Variants in CDH13 observed in about 807,000 individuals in gnomAD.
The protein encoded by CDH13 is cadherin-13.
Under a neutral mutation model 63.8 loss-of-function variants are expected in CDH13, and 24 were observed. That is an observed-to-expected ratio of 0.38 (90% CI 0.27 to 0.53). The LOEUF is 0.53. CDH13 is among the 20% of genes least tolerant of loss of function. CDH13 has a pLI of 0.85. For synonymous variants in CDH13, 503 were observed against 355.3 expected (o/e 1.42, Z -4.67); for missense variants, 1,049 against 903.1 (o/e 1.16, Z -2.07).
At chr16:83,149,803 T>C (rs1328897182) in intron 4 of CDH13, among the ~76,000 whole-genome samples, 1 of 152,210 alleles carries the variant, frequency 6.6e-6, no homozygotes. Flanking sequence ...CCAAACTCTG[T>C]ATTCAGCGAT....
intron 1 of CDH13, among the ~76,000 whole-genome samples, chr16:82,758,435 C>CAA (rs2034704578): frequency 6.7e-6 from 1 of 150,142 alleles, no homozygotes; most frequent in Admixed American, 6.7e-5. Flanking sequence ...TACCCCCCCC[C>CAA]CTTTGCTTTG....
At chr16:82,747,407 T>A (rs2034225220) in intron 1 of CDH13, among the ~76,000 whole-genome samples, 3 of 152,170 alleles carry the variant, frequency 2.0e-5, no homozygotes, top group East Asian at 1.9e-4. Context: ...CTCATATAGT[T>A]TTTAGGTATA....
At chr16:82,750,427 T>A (rs907199796) in intron 1 of CDH13, among the ~76,000 whole-genome samples, 1 of 152,162 alleles carries the variant, frequency 6.6e-6, no homozygotes, top group African/African-American at 2.4e-5. Flanking sequence ...TCTCCTTCTT[T>A]AGGGAGCTTG....
At chr16:83,415,525 A>C (rs962026027) in intron 6 of CDH13, among the ~76,000 whole-genome samples, 4 of 152,188 alleles carry the variant, frequency 2.6e-5, no homozygotes, top group African/African-American at 9.7e-5. Context: ...ACAAAATACT[A>C]GCAAACTGAA....
At chr16:83,159,499 A>G (rs577358336) in intron 4 of CDH13, among the ~76,000 whole-genome samples, 1 of 152,326 alleles carries the variant, frequency 6.6e-6, no homozygotes, top group African/African-American at 2.4e-5. Context: ...GGGAAAGATA[A>G]ATAGGTTGTT....
At chr16:83,524,619 A>AT (rs1165269463) in intron 7 of CDH13, among the ~76,000 whole-genome samples, 2 of 151,704 alleles carry the variant, frequency 1.3e-5, no homozygotes, top group African/African-American at 4.8e-5. Flanking sequence ...CACCCAGCTA[A>AT]TTTTTTGTAC....
chr16:83,126,229 T>C (rs4627328), intron 4 of CDH13, among the ~76,000 whole-genome samples: 128,836 of 152,146 alleles, frequency 0.85, 55,676 homozygotes, highest in Non-Finnish European at 0.94. Context: ...GTGCTGCTTG[T>C]ACTTCTGGCC....
At chr16:83,061,862 C>G (rs548199687) in intron 3 of CDH13, among the ~76,000 whole-genome samples, 18 of 152,154 alleles carry the variant, frequency 1.2e-4, no homozygotes, top group Non-Finnish European at 2.4e-4. Context: ...CCTTAATGCC[C>G]CATGCTAATG....
chr16:82,700,440 A>G (rs575276409), intron 1 of CDH13, among the ~76,000 whole-genome samples: 3 of 152,216 alleles, frequency 2.0e-5, no homozygotes, highest in East Asian at 1.9e-4. Context: ...TATAATGTAC[A>G]TAAGTGGACA....
intron 8 of CDH13, chr16:83,655,136 A>G (rs1227357064): frequency 6.6e-6 from 1 of 152,218 alleles, no homozygotes; most frequent in Non-Finnish European, 1.5e-5. Flanking sequence ...CTGAGTGATG[A>G]GAAACTTGGC....
intron 1 of CDH13, among the ~76,000 whole-genome samples, chr16:82,771,302 T>C (rs2035252723): frequency 6.6e-6 from 1 of 152,256 alleles, no homozygotes; most frequent in South Asian, 2.1e-4. Flanking sequence ...GTCAATTATA[T>C]ACAGAGCACT....
At chr16:83,251,672 C>T in intron 5 of CDH13, among the ~76,000 whole-genome samples, 1 of 152,342 alleles carries the variant, frequency 6.6e-6, no homozygotes, top group Middle Eastern at 3.4e-3. Flanking sequence ...TGGCGTAGGC[C>T]TTCGTTGACA....
At chr16:82,790,103 C>G (rs1178509147) in intron 1 of CDH13, among the ~76,000 whole-genome samples, 2 of 152,100 alleles carry the variant, frequency 1.3e-5, no homozygotes, top group African/African-American at 4.8e-5. Flanking sequence ...ACACACATGC[C>G]TACACCCCCC....
At chr16:83,301,375 A>G (rs1464877289) in intron 5 of CDH13, among the ~76,000 whole-genome samples, 1 of 150,880 alleles carries the variant, frequency 6.6e-6, no homozygotes, top group Non-Finnish European at 1.5e-5. Context: ...ACATTTATCC[A>G]CTCTACCTCC....
chr16:83,125,193 A>G (rs1597378958), intron 3 of CDH13, among the ~76,000 whole-genome samples, 192 bp from the exon 4 acceptor site: 1 of 152,220 alleles, frequency 6.6e-6, no homozygotes, highest in African/African-American at 2.4e-5. Context: ...AATGATAGTT[A>G]TAGTGAATAA....
Position 83,745,773 on chromosome 16 carries a change from G to A in CDH13, c.1539-2335G>A, listed in dbSNP as rs550596898. On this transcript the variant is annotated intron_variant, in intron 10 of 13. Coordinates refer to ENST00000567109, the MANE Select transcript of CDH13 (RefSeq NM_001257.5). ...CTTCTTCTCCTTGGCCACACAGGAGGCATCCCTCTGGCTTCCACCTACATC... is the reference window on the plus strand; with the variant it reads ...CTTCTTCTCCTTGGCCACACAGGAGACATCCCTCTGGCTTCCACCTACATC... Among the ~76,000 whole-genome samples, 5 of 152,240 alleles carry A rather than the reference G, an allele frequency of 3.3e-5. No homozygotes were observed. In the South Asian group the frequency reaches 8.3e-4, roughly 25 times the overall value.
intron 7 of CDH13, among the ~76,000 whole-genome samples, chr16:83,557,220 C>A (rs1362614115): frequency 6.6e-6 from 1 of 152,210 alleles, no homozygotes; most frequent in African/African-American, 2.4e-5. Flanking sequence ...TCACGTCTCC[C>A]ATCACCCCCA....
chr16:83,192,293 T>A (rs904435301), intron 4 of CDH13, among the ~76,000 whole-genome samples: 11 of 152,154 alleles, frequency 7.2e-5, no homozygotes, highest in Non-Finnish European at 1.6e-4. Flanking sequence ...AACTACGTAG[T>A]GTCTGTTGTG....
At position 83,762,554 on chromosome 16, in the gene CDH13, A is replaced by G. The variant is rs539195602; in HGVS notation, c.1681+14304A>G. Among the ~76,000 whole-genome samples, 67 of 152,286 alleles carry G rather than the reference A, an allele frequency of 4.4e-4. 1 individual carries two copies. The South Asian group carries it at 7.7e-3, about 17-fold the overall frequency. On this transcript the variant is annotated intron_variant, in intron 11 of 13. Coordinates refer to ENST00000567109, the MANE Select transcript of CDH13 (RefSeq NM_001257.5). ...CTCCTGCCTACAGGTAATCACCAGA[A>G]AGGTCAAATGTTAGTCGCCCTGTCT...
Sources: allele counts gnomAD v4.1 joint callset (sites outside exome capture counted in the v4.1 genomes callset), GRCh38; gene constraint gnomAD v4.1.1; transcripts MANE v1.5; gene names NCBI Gene and HGNC (gene_info 2026-07-23, HGNC 2026-07-21).